NFASC: variants seen among roughly 807,000 people sequenced by gnomAD.
NFASC encodes the protein neurofascin.
In NFASC, 43 loss-of-function variants were observed where a neutral mutation model predicts 147.5. That is an observed-to-expected ratio of 0.29 (90% CI 0.23 to 0.38). The LOEUF is 0.38. Ranked by LOEUF, NFASC falls within the 10% of genes least tolerant of loss-of-function variation. NFASC has a pLI of 1.00. For missense variants in NFASC, 1,320 were observed against 1,689.0 expected (o/e 0.78, Z 3.83); for synonymous variants, 622 against 665.5 (o/e 0.93, Z 1.01).
rs149686017 is a variant in NFASC, at chr1:204,874,991, T to C, written c.-199-45641T>C. ...GGCAAATACCACAATCCCCATTTTA[T>C]AGATGGGGAAACACGTTAAGTGACT... On this transcript the variant is annotated intron_variant, in intron 1 of 29. Coordinates refer to ENST00000339876, the MANE Select transcript of NFASC (RefSeq NM_001005388.3). Among the ~76,000 whole-genome samples, 113 of 152,250 alleles carry C rather than the reference T, an allele frequency of 7.4e-4. 1 individual carries two copies. The highest frequency in any genetic ancestry group is 4.1e-3 in the South Asian group (20 of 4,822).
In NFASC at chr1:204,954,291, G is replaced by A. The variant is rs763590330; in HGVS notation, c.319G>A (p.Gly107Arg). The A allele has an allele frequency of 2.5e-5, 40 of 1,614,062 alleles. No homozygotes were observed. Among genetic ancestry groups the A allele is most frequent in the Non-Finnish European group, 3.1e-5 (37 of 1,180,030 alleles). ...GTLVIDFRSGGRPEEYEGEYQ... is the reference protein window; with the variant it reads ...GTLVIDFRSGRRPEEYEGEYQ... ...CCTGGTGATTGACTTCCGCAGTGGC[G>A]GGCGGCCGGAGGAATATGAGGGGGA... The change falls in exon 6 of 30, where the codon GGG becomes AGG. Residue 107 changes from glycine (G) to arginine (R), a missense_variant. Gly to Arg is a moderately radical substitution (Grantham distance 125, BLOSUM62 -2). This residue lies in a region of NFASC where 981 missense variants were observed against 1,289.5 expected (regional missense o/e 0.76). Coordinates refer to ENST00000339876, the MANE Select transcript of NFASC (RefSeq NM_001005388.3). The surrounding 1 kb of genome is among the most constrained non-coding windows in gnomAD (Gnocchi z 5.7).
At chr1:204,908,882 T>C (rs141470821) in intron 1 of NFASC, among the ~76,000 whole-genome samples, 1 of 152,354 alleles carries the variant, frequency 6.6e-6, no homozygotes, top group African/African-American at 2.4e-5. Context: ...GAGATTCATC[T>C]AAGTTACTGC....
chr1:204,984,321 T>TTATATATATATGTGTGTGTGTGTGTG, intron 21 of NFASC: 2 of 494,654 alleles, frequency 4.0e-6, no homozygotes, highest in Non-Finnish European at 7.3e-6. Flanking sequence ...GAAAAAAAAA[T>TTATATATATATGTGTGTGTGTGTGTG]TATATATATA....
intron 8 of NFASC, among the ~76,000 whole-genome samples, chr1:204,967,400 G>C (rs960026638): frequency 5.3e-5 from 8 of 152,124 alleles, no homozygotes; most frequent in African/African-American, 1.9e-4. Flanking sequence ...GCCCATGCTG[G>C]CACAACCCTT....
rs942410257 is a variant in NFASC at position 205,016,884 on chromosome 1, G to C, written c.*345G>C. Reference sequence around the variant, plus strand: ...CACGCTCACCTTTTCTGTTGGTTACGGGACTTCTCATTGTCTTAATTTCGC... The same window carrying C: ...CACGCTCACCTTTTCTGTTGGTTACCGGACTTCTCATTGTCTTAATTTCGC... On this transcript the variant is annotated 3_prime_UTR_variant, in exon 30 of 30. Transcript: ENST00000339876. This position sits in a 1 kb window ranked among gnomAD's most constrained non-coding sequence, Gnocchi z 5.1. 1 of 387,814 alleles carries C rather than the reference G, an allele frequency of 2.6e-6. No homozygotes were observed. The highest frequency in any genetic ancestry group is 5.0e-6 in the Non-Finnish European group (1 of 201,648). 24.0% of individuals were successfully genotyped at this position (387,814 alleles called of 1,614,324 possible).
chr1:204,990,453 C>T (rs566142904), intron 23 of NFASC: 1 of 151,480 alleles, frequency 6.6e-6, no homozygotes, highest in East Asian at 1.9e-4. Context: ...CCCCAGTAAC[C>T]ACCACAGAGA....
In NFASC at chr1:204,926,967, C is replaced by T. The variant is rs146477212; in HGVS notation, c.-91+6227C>T. On this transcript the variant is annotated intron_variant, in intron 2 of 29. Transcript: ENST00000339876. ...GCGGGTGCCTGTATTCCCAGCTACT[C>T]GGGAGACTGAGGCAGGAGAATCGCT... is the stretch of plus-strand genomic sequence containing the variant. 2.7e-3 allele frequency among the ~76,000 whole-genome samples: 410 copies of T among 152,050 alleles called. 4 individuals are homozygous for T. Among genetic ancestry groups the T allele is most frequent in the African/African-American group, 9.2e-3 (382 of 41,482 alleles).
At chr1:204,879,450 C>T (rs959167447) in intron 1 of NFASC, among the ~76,000 whole-genome samples, 2 of 152,130 alleles carry the variant, frequency 1.3e-5, no homozygotes, top group Admixed American at 6.5e-5. Flanking sequence ...GAGGTGGAAC[C>T]CATGGACTTT....
chr1:204,858,517 A>G (rs61173840), intron 1 of NFASC, among the ~76,000 whole-genome samples: 31,519 of 151,894 alleles, frequency 0.21, 5,240 homozygotes, highest in East Asian at 0.52. Context: ...GGCACTGGGG[A>G]CTTCGGGGAG....
intron 8 of NFASC, among the ~76,000 whole-genome samples, chr1:204,959,157 A>G (rs1226750056): frequency 7.8e-6 from 1 of 128,546 alleles, no homozygotes; most frequent in African/African-American, 3.0e-5. Flanking sequence ...CTTCTTTTCC[A>G]TCTCTCTGTT....
chr1:204,951,086 A>G (rs569876289), intron 4 of NFASC, among the ~76,000 whole-genome samples: 2 of 151,778 alleles, frequency 1.3e-5, no homozygotes, highest in Non-Finnish European at 2.9e-5. Flanking sequence ...TGTGCTAGGC[A>G]TTGTAAGGTA....
At chr1:204,873,876 C>T (rs2078210143) in intron 1 of NFASC, among the ~76,000 whole-genome samples, 1 of 152,124 alleles carries the variant, frequency 6.6e-6, no homozygotes, top group Non-Finnish European at 1.5e-5. Context: ...GTGTCTTCTC[C>T]CTCCAGGAGC....
chr1:204,992,990 C>G (rs188907885), intron 24 of NFASC, among the ~76,000 whole-genome samples: 23 of 152,318 alleles, frequency 1.5e-4, no homozygotes, highest in African/African-American at 5.3e-4. Flanking sequence ...GCAGTGGAGG[C>G]AGATTGCACT....
At position 204,979,560 on chromosome 1, in the gene NFASC, G is replaced by C. The variant is rs1367414950; in HGVS notation, c.2176+1G>C. 1 of 1,613,578 alleles carries C rather than the reference G, an allele frequency of 6.2e-7. No homozygotes were observed. On this transcript the variant is annotated splice_donor_variant, in intron 19 of 29. Transcript: ENST00000339876. LOFTEE classifies it high-confidence loss of function. This position sits in a 1 kb window ranked among gnomAD's most constrained non-coding sequence, Gnocchi z 6.0. ...GAGCGCTACCGAACCAGTGGAGCAC[G>C]TGAGTACCCGAGGGCTGCCAGAGAA...
At chr1:204,863,530 T>C (rs1188016701) in intron 1 of NFASC, among the ~76,000 whole-genome samples, 1 of 152,146 alleles carries the variant, frequency 6.6e-6, no homozygotes, top group Admixed American at 6.5e-5. Flanking sequence ...CTTTTCTGTT[T>C]CCAGAACGTT....
At chr1:204,887,585 G>GTT (rs1383336424) in intron 1 of NFASC, among the ~76,000 whole-genome samples, 3 of 94,054 alleles carry the variant, frequency 3.2e-5, no homozygotes, top group African/African-American at 1.2e-4. Context: ...AGCCTGATTG[G>GTT]CTTTTTTTTT....
rs571799142 is a variant in NFASC, at chr1:204,939,029, T to TATGG, written c.-90-5189_-90-5186dup. ...GTAGTTCTATTCTCTTTTCTTCCTG[T>TATGG]ATGGATGGATGTGTGTGTGTGTGTG... On this transcript the variant is annotated intron_variant, in intron 2 of 29. Transcript: ENST00000339876. Among the ~76,000 whole-genome samples, 937 of 138,568 alleles carry TATGG rather than the reference T, an allele frequency of 6.8e-3. 11 individuals carry two copies. Among genetic ancestry groups the TATGG allele is most frequent in the Middle Eastern group, 0.022 (6 of 270 alleles). The allele number at this position is 138,568 out of a possible 152,430, so 90.9% of individuals were successfully genotyped here.
intron 1 of NFASC, among the ~76,000 whole-genome samples, 185 bp from the exon 2 acceptor site, chr1:204,920,447 T>TC (rs71568040): frequency 0.19 from 26,912 of 140,578 alleles, 2,965 homozygotes; most frequent in East Asian, 0.41. Context: ...TTTTTTTTTT[T>TC]CTTCCAGAGT....
chr1:204,959,094 C>T (rs1474176187), intron 8 of NFASC, among the ~76,000 whole-genome samples: 1 of 150,954 alleles, frequency 6.6e-6, no homozygotes, highest in Non-Finnish European at 1.5e-5. Context: ...TCATTTTCTT[C>T]CTTTTTCTTT....
Sources: gnomAD v4.1 joint callset for allele counts (sites outside exome capture counted in the v4.1 genomes callset) on GRCh38, gnomAD v4.1.1 for gene constraint, gnomAD v4.1.1 regional missense constraint, Gnocchi (gnomAD v3.1) non-coding constraint, MANE v1.5 for transcripts, NCBI Gene and HGNC (gene_info 2026-07-23, HGNC 2026-07-21) for gene names.